Variants in RIMS1 observed in about 807,000 individuals in gnomAD.
The protein encoded by RIMS1 is regulating synaptic membrane exocytosis protein 1.
A neutral mutation model predicts 214.1 loss-of-function variants in RIMS1; 83 were observed. That is an observed-to-expected ratio of 0.39 (90% CI 0.32 to 0.47). RIMS1 has a LOEUF of 0.47. Among genes scored for constraint, RIMS1 ranks in the 20% least tolerant of loss-of-function variants. RIMS1 has a pLI of 0.99. For missense variants in RIMS1, 2,050 were observed against 2,161.8 expected (o/e 0.95, Z 1.03); for synonymous variants, 793 against 786.8 (o/e 1.01, Z -0.13).
intron 2 of RIMS1, among the ~76,000 whole-genome samples, chr6:71,990,594 C>T (rs1179906789): frequency 6.6e-6 from 1 of 151,882 alleles, no homozygotes; most frequent in Admixed American, 6.6e-5. Context: ...GCTCCTCCAG[C>T]CTGCAGAGGC....
chr6:72,173,545 A>T (rs2047319570), intron 4 of RIMS1, among the ~76,000 whole-genome samples: 1 of 149,814 alleles, frequency 6.7e-6, no homozygotes, highest in Non-Finnish European at 1.5e-5. Context: ...CTTTCTTTTA[A>T]ATTCTTCTTT....
At chr6:72,079,188 G>A (rs890932362) in intron 2 of RIMS1, among the ~76,000 whole-genome samples, 5 of 152,292 alleles carry the variant, frequency 3.3e-5, no homozygotes, top group Non-Finnish European at 5.9e-5. Context: ...ACAAAAAGAG[G>A]TTGAAGGAAC....
At chr6:72,321,188 C>G (rs1256116968) in intron 28 of RIMS1, among the ~76,000 whole-genome samples, 1 of 152,022 alleles carries the variant, frequency 6.6e-6, no homozygotes, top group Non-Finnish European at 1.5e-5. Flanking sequence ...ACTAATACAA[C>G]AAATTAGTTG....
chr6:72,017,013 A>T (rs1381506612), intron 2 of RIMS1, among the ~76,000 whole-genome samples: 1 of 152,206 alleles, frequency 6.6e-6, no homozygotes, highest in African/African-American at 2.4e-5. Context: ...TTATTAGCTG[A>T]GTTCAGTCCA....
intron 6 of RIMS1, among the ~76,000 whole-genome samples, chr6:72,202,337 G>C (rs1019019915): frequency 6.6e-6 from 1 of 152,156 alleles, no homozygotes; most frequent in Non-Finnish European, 1.5e-5. Context: ...GAGGAACCTG[G>C]GGAAGGATCT....
intron 2 of RIMS1, among the ~76,000 whole-genome samples, chr6:71,993,286 C>G (rs956243362): frequency 2.0e-5 from 3 of 152,148 alleles, no homozygotes; most frequent in African/African-American, 7.2e-5. Flanking sequence ...CTCTCAAGGC[C>G]CCTCTGTTCC....
intron 2 of RIMS1, among the ~76,000 whole-genome samples, chr6:72,086,624 A>C (rs1281135670): frequency 6.6e-6 from 1 of 152,142 alleles, no homozygotes; most frequent in Non-Finnish European, 1.5e-5. Context: ...GGGTTGTGCA[A>C]CAGACCTCAG....
chr6:72,399,080 G>A lies in RIMS1; in HGVS notation c.4846G>A (p.Gly1616Ser). The change falls in exon 33 of 34, where the codon GGT (glycine) becomes AGT (serine). Residue 1616 changes from glycine to serine, a missense_variant. Physicochemically the swap from Gly to Ser is moderately conservative, Grantham distance 56. Transcript: ENST00000521978. Reference sequence around the variant, plus strand: ...TCTGGTTTTTGATGAAAGTCCACAGGGTAAAGTTCTTCAGGTCAGTAATAG... The same window carrying A: ...TCTGGTTTTTGATGAAAGTCCACAGAGTAAAGTTCTTCAGGTCAGTAATAG... ...QSLVFDESPQ[G>S]KVLQVIVWGD... 1 of 1,603,618 alleles carries A rather than the reference G, an allele frequency of 6.2e-7. No homozygotes were observed. The highest frequency in any genetic ancestry group is 8.5e-7 in the Non-Finnish European group (1 of 1,174,652).
chr6:72,261,433 T>C, intron 19 of RIMS1: 1 of 985,176 alleles, frequency 1.0e-6, no homozygotes, highest in Non-Finnish European at 1.2e-6. Flanking sequence ...GCTTCTAAAT[T>C]GGAGCTTAGA....
At chr6:72,394,118 C>T (rs1234381891) in intron 31 of RIMS1, among the ~76,000 whole-genome samples, 1 of 151,122 alleles carries the variant, frequency 6.6e-6, no homozygotes, top group Admixed American at 6.6e-5. Flanking sequence ...AAAGGAAGAA[C>T]TAAAGATAGC....
intron 1 of RIMS1, among the ~76,000 whole-genome samples, chr6:71,965,215 A>T (rs1213814779): frequency 6.6e-6 from 1 of 152,200 alleles, no homozygotes; most frequent in Non-Finnish European, 1.5e-5. Flanking sequence ...CGCTTCCTGC[A>T]CAGTAACTAG....
chr6:71,970,403 G>T (rs1439007460), intron 2 of RIMS1, among the ~76,000 whole-genome samples: 1 of 151,980 alleles, frequency 6.6e-6, no homozygotes, highest in Non-Finnish European at 1.5e-5. Context: ...ATTTATTTTA[G>T]AATTCAAATT....
Position 72,211,078 on chromosome 6 carries a change from C to T in RIMS1, c.1679-22695C>T, listed in dbSNP as rs374861572. 1.7e-4 allele frequency among the ~76,000 whole-genome samples: 26 copies of T among 152,244 alleles called. No individual in the cohort carries two copies. In the East Asian group the frequency reaches 1.9e-3, roughly 11 times the overall value. On this transcript the variant is annotated intron_variant, in intron 6 of 33. Transcript: ENST00000521978. ...CGTGAACCTGAACATGTTTTTATGC[C>T]ATAACCTTTCATAAATATTATATTC...
intron 6 of RIMS1, among the ~76,000 whole-genome samples, chr6:72,198,716 C>T (rs1459182856): frequency 2.0e-5 from 3 of 151,772 alleles, no homozygotes; most frequent in Non-Finnish European, 4.4e-5. Flanking sequence ...ATCTTAAATA[C>T]CCTGACTTGG....
chr6:72,251,195 T>C lies in RIMS1; in HGVS notation c.2545-20T>C. 1 of 1,584,276 alleles carries C rather than the reference T, an allele frequency of 6.3e-7. No individual in the cohort carries two copies. Among genetic ancestry groups the C allele is most frequent in the Non-Finnish European group, 8.6e-7 (1 of 1,163,596 alleles). On this transcript the variant is annotated intron_variant, in intron 14 of 33. Coordinates refer to ENST00000521978, the MANE Select transcript of RIMS1 (RefSeq NM_014989.7). ...GTTTTGATAAAGGTACTTGATTTAATTTGAGAATTACCCTCTCAGATCCTC... is the reference window on the plus strand; with the variant it reads ...GTTTTGATAAAGGTACTTGATTTAACTTGAGAATTACCCTCTCAGATCCTC...
At chr6:71,907,617 C>T (rs1241493877) in intron 1 of RIMS1, among the ~76,000 whole-genome samples, 1 of 152,094 alleles carries the variant, frequency 6.6e-6, no homozygotes, top group African/African-American at 2.4e-5. Context: ...CAGCTCTACA[C>T]CTTTGCTGAG....
At chr6:72,317,911 A>G (rs1563980805) in intron 28 of RIMS1, among the ~76,000 whole-genome samples, 1 of 152,148 alleles carries the variant, frequency 6.6e-6, no homozygotes, top group Non-Finnish European at 1.5e-5. Context: ...AGATTACTTA[A>G]TTAGGTTCAA....
At chr6:72,180,037 G>A in intron 5 of RIMS1, 122 bp downstream of exon 5, 1 of 621,744 alleles carries the variant, frequency 1.6e-6, no homozygotes, top group Non-Finnish European at 2.5e-6. Context: ...GGCCCCACAT[G>A]GAAAAACAAA....
chr6:72,138,918 G>A (rs1485956857), intron 4 of RIMS1, among the ~76,000 whole-genome samples: 1 of 152,072 alleles, frequency 6.6e-6, no homozygotes, highest in East Asian at 1.9e-4. Flanking sequence ...ACATTTAAAA[G>A]GAGTTTACCA....
Sources: gnomAD v4.1 joint callset for allele counts (sites outside exome capture counted in the v4.1 genomes callset) on GRCh38, gnomAD v4.1.1 for gene constraint, MANE v1.5 for transcripts, NCBI Gene and HGNC (gene_info 2026-07-23, HGNC 2026-07-21) for gene names.